FGF12: variants seen among roughly 807,000 people sequenced by gnomAD.
FGF12 encodes fibroblast growth factor 12.
A neutral mutation model predicts 23.6 loss-of-function variants in FGF12; 14 were observed. The ratio of observed to expected loss-of-function variants is 0.59; its 90% confidence interval spans 0.39 to 0.93. The LOEUF is 0.93. Among genes scored for constraint, FGF12 ranks in the 40% least tolerant of loss-of-function variants. The pLI is 0.00. For missense variants in FGF12, 175 were observed against 217.8 expected (o/e 0.80, Z 1.24); for synonymous variants, 62 against 77.3 (o/e 0.80, Z 1.04).
chr3:192,332,633 A>T (rs1036747248), intron 4 of FGF12, among the ~76,000 whole-genome samples: 1 of 152,106 alleles, frequency 6.6e-6, no homozygotes, highest in Non-Finnish European at 1.5e-5. Context: ...AAAAGTAACA[A>T]GGGAATTACT....
intron 2 of FGF12, among the ~76,000 whole-genome samples, chr3:192,437,522 C>T (rs1722064232): frequency 6.6e-6 from 1 of 152,082 alleles, no homozygotes; most frequent in African/African-American, 2.4e-5. Flanking sequence ...GAAACCCCAT[C>T]TCTACTAAAA....
chr3:192,512,840 ATATATATAT>A (rs1724526116), intron 2 of FGF12, among the ~76,000 whole-genome samples: 1 of 119,142 alleles, frequency 8.4e-6, no homozygotes, highest in Non-Finnish European at 1.8e-5. Context: ...AAATAAATAT[ATATATATAT>A]ATATATATAT....
chr3:192,355,350 T>C (rs1004342465), intron 3 of FGF12, among the ~76,000 whole-genome samples: 10 of 152,292 alleles, frequency 6.6e-5, no homozygotes, highest in Non-Finnish European at 1.0e-4. Context: ...TAGATCAATA[T>C]AGTAGATAGA....
intron 4 of FGF12, among the ~76,000 whole-genome samples, chr3:192,175,703 C>A (rs1181795329): frequency 6.6e-6 from 1 of 152,174 alleles, no homozygotes; most frequent in Non-Finnish European, 1.5e-5. Flanking sequence ...AAGTTAAAAT[C>A]TCCAACTCAT....
At chr3:192,415,721 C>CTA (rs1721327122) in intron 2 of FGF12, among the ~76,000 whole-genome samples, 1 of 60,390 alleles carries the variant, frequency 1.7e-5, no homozygotes. Context: ...TACTTCTCTT[C>CTA]TCTCTCTCTC....
chr3:192,675,549 T>C (rs1717299328), intron 2 of FGF12, among the ~76,000 whole-genome samples: 1 of 152,150 alleles, frequency 6.6e-6, no homozygotes, highest in Non-Finnish European at 1.5e-5. Context: ...CTGTGTTCAT[T>C]ATCCACCATT....
Position 192,408,284 on chromosome 3 carries a change from C to T in FGF12, c.14-47746G>A. ...CTGCGCCCTCCGGCTTGCGCTCCGCCGGGGCGAGGGCAGGACCTGGGCGGC... is the reference window on the plus strand; with the variant it reads ...CTGCGCCCTCCGGCTTGCGCTCCGCTGGGGCGAGGGCAGGACCTGGGCGGC... On this transcript the variant is annotated intron_variant, in intron 2 of 5. Transcript: ENST00000445105. The surrounding 1 kb of genome is among the most constrained non-coding windows in gnomAD (Gnocchi z 7.3). 3 of 1,492,608 alleles carry T rather than the reference C, an allele frequency of 2.0e-6. No homozygotes were observed. The South Asian group carries it at 3.9e-5, about 20-fold the overall frequency. 92.5% of individuals were successfully genotyped at this position (1,492,608 alleles called of 1,614,324 possible). A position where few individuals can be genotyped will look rare whatever the true frequency, so the allele number is the denominator to read the frequency against.
intron 2 of FGF12, among the ~76,000 whole-genome samples, chr3:192,417,960 A>G (rs1418370090): frequency 6.6e-6 from 1 of 152,052 alleles, no homozygotes; most frequent in Non-Finnish European, 1.5e-5. Context: ...GCCCATGTTT[A>G]TGGTTGTGCT....
chr3:192,311,009 G>A (rs1354704563), intron 4 of FGF12, among the ~76,000 whole-genome samples: 2 of 152,116 alleles, frequency 1.3e-5, no homozygotes, highest in African/African-American at 2.4e-5. Context: ...TTTAAAAAAT[G>A]TAATTCAATT....
At position 192,196,537 on chromosome 3, in the gene FGF12, T is replaced by C. The variant is rs185540784; in HGVS notation, c.229-25881A>G. On this transcript the variant is annotated intron_variant, in intron 4 of 5. Coordinates refer to ENST00000445105, the MANE Select transcript of FGF12 (RefSeq NM_004113.6). ...ATATCTGATGGGACAGTAGAGCTTTTTAATTGCCTGGGAGACAAAAAAAAA... is the reference window on the plus strand; with the variant it reads ...ATATCTGATGGGACAGTAGAGCTTTCTAATTGCCTGGGAGACAAAAAAAAA... 8.2e-3 allele frequency among the ~76,000 whole-genome samples: 1,238 copies of C among 151,342 alleles called. 10 individuals are homozygous for C. Among genetic ancestry groups the C allele is most frequent in the Middle Eastern group, 0.031 (9 of 294 alleles).
intron 2 of FGF12, among the ~76,000 whole-genome samples, chr3:192,444,257 A>C (rs1291916474): frequency 6.6e-6 from 1 of 152,150 alleles, no homozygotes; most frequent in Non-Finnish European, 1.5e-5. Context: ...CCTTGAAAAA[A>C]GGAGAAGAAA....
At chr3:192,495,852 C>T (rs1348762829) in intron 2 of FGF12, among the ~76,000 whole-genome samples, 1 of 151,970 alleles carries the variant, frequency 6.6e-6, no homozygotes, top group South Asian at 2.1e-4. Flanking sequence ...TATTTATATA[C>T]AGGGTTTCCC....
At chr3:192,460,682 T>TTA (rs35031609) in intron 2 of FGF12, among the ~76,000 whole-genome samples, 32,783 of 142,194 alleles carry the variant, frequency 0.23, 4,226 homozygotes, top group East Asian at 0.42. Context: ...ACACATATAT[T>TTA]TATATATATA....
At chr3:192,700,157 C>T (rs556107168) in intron 2 of FGF12, among the ~76,000 whole-genome samples, 3 of 152,280 alleles carry the variant, frequency 2.0e-5, no homozygotes, top group African/African-American at 4.8e-5. Context: ...TCTTAACCTG[C>T]CATTAAAGTG....
intron 3 of FGF12, among the ~76,000 whole-genome samples, chr3:192,342,414 G>A (rs1717736623): frequency 6.6e-6 from 1 of 152,126 alleles, no homozygotes. Flanking sequence ...GTAGAGTGAT[G>A]CAAGGTTGGA....
chr3:192,464,981 C>T (rs1267497235), intron 2 of FGF12, among the ~76,000 whole-genome samples: 4 of 152,108 alleles, frequency 2.6e-5, no homozygotes, highest in East Asian at 1.9e-4. Flanking sequence ...CCAAATATCC[C>T]GTGCTTTCTT....
chr3:192,519,062 C>T (rs902973470), intron 2 of FGF12, among the ~76,000 whole-genome samples: 2 of 152,150 alleles, frequency 1.3e-5, no homozygotes, highest in African/African-American at 4.8e-5. Context: ...TAATGACTTT[C>T]ATGACCAGTG....
At chr3:192,556,135 A>C (rs1158546981) in intron 2 of FGF12, among the ~76,000 whole-genome samples, 1 of 152,170 alleles carries the variant, frequency 6.6e-6, no homozygotes, top group Non-Finnish European at 1.5e-5. Context: ...GACAGAAAAC[A>C]ACTAATAAAA....
At chr3:192,326,345 T>C (rs996598848) in intron 4 of FGF12, among the ~76,000 whole-genome samples, 1 of 152,116 alleles carries the variant, frequency 6.6e-6, no homozygotes, top group African/African-American at 2.4e-5. Context: ...AGTGAGGAAG[T>C]AAAAGAAATT....
Sources: allele counts gnomAD v4.1 joint callset (sites outside exome capture counted in the v4.1 genomes callset), GRCh38; gene constraint gnomAD v4.1.1; non-coding constraint Gnocchi (gnomAD v3.1); transcripts MANE v1.5; gene names NCBI Gene and HGNC (gene_info 2026-07-23, HGNC 2026-07-21).